The following ABCC9 variants were observed in gnomAD, a reference collection of about 807,000 sequenced individuals.
ABCC9 encodes the protein ATP-binding cassette sub-family C member 9.
Under a neutral mutation model 188.3 loss-of-function variants are expected in ABCC9, and 95 were observed. The ratio of observed to expected loss-of-function variants is 0.50; its 90% CI spans 0.43 to 0.60. The LOEUF is 0.60. Ranked by LOEUF, ABCC9 falls within the 20% of genes least tolerant of loss-of-function variation. The pLI, the probability that ABCC9 is intolerant of heterozygous loss-of-function variation, is 0.00. For missense variants in ABCC9, 1,102 were observed against 1,876.3 expected, an observed-to-expected ratio of 0.59 and a Z score of 7.62; for synonymous variants, 659 against 652.7, an observed-to-expected ratio of 1.01 and a Z score of -0.15.
At chr12:21,842,164 G>C in intron 29 of ABCC9, 150 bp downstream of exon 29, 1 of 894,126 alleles carries the variant, frequency 1.1e-6, no homozygotes. Context: ...TGTAGTACTC[G>C]GCACATGACA....
At position 21,817,226 on chromosome 12, in the gene ABCC9, A is replaced by G; in HGVS notation, c.3853T>C (p.Phe1285Leu). The G allele has an allele frequency of 6.2e-7, 1 of 1,613,874 alleles. No individual in the cohort carries two copies. The highest frequency in any genetic ancestry group is 8.5e-7 in the Non-Finnish European group (1 of 1,179,832). ...QMGAVKKVNS[F>L]LTMESENYEG... ...TAGTTCTCTGACTCCATAGTCAGGA[A>G]ACTGTTCACCTTCTTCACTGCACCC... The change falls in exon 33 of 40, where the codon TTC becomes CTC. Residue 1285 changes from phenylalanine (F) to leucine (L), a missense_variant. Coordinates refer to ENST00000261200, the MANE Select transcript of ABCC9 (RefSeq NM_020297.4).
chr12:21,822,366 A>C (rs1456487753), intron 31 of ABCC9, among the ~76,000 whole-genome samples: 4 of 151,876 alleles, frequency 2.6e-5, no homozygotes, highest in Non-Finnish European at 2.9e-5. Context: ...ACTGATCAGA[A>C]TTTTATCTTG....
At chr12:21,844,167 T>C (rs1166007841) in intron 28 of ABCC9, among the ~76,000 whole-genome samples, 1 of 152,198 alleles carries the variant, frequency 6.6e-6, no homozygotes, top group Non-Finnish European at 1.5e-5. Flanking sequence ...TTAAGAACTT[T>C]ATACTGTGAA....
At chr12:21,830,167 A>C (rs531348961) in intron 30 of ABCC9, among the ~76,000 whole-genome samples, 1 of 152,356 alleles carries the variant, frequency 6.6e-6, no homozygotes, top group Non-Finnish European at 1.5e-5. Flanking sequence ...TAAAACTGTT[A>C]GTAAAAGCCC....
intron 12 of ABCC9, 55 bp downstream of exon 12, chr12:21,906,071 T>C: frequency 1.3e-6 from 2 of 1,538,874 alleles, no homozygotes; most frequent in Non-Finnish European, 1.8e-6. Flanking sequence ...GAATAGACTG[T>C]TGGTTATTCT....
chr12:21,807,477 C>T lies in ABCC9; in HGVS notation c.4318G>A (p.Ala1440Thr), dbSNP rs1181687706. 1.2e-6 allele frequency: 2 copies of T among 1,613,724 alleles called. No homozygotes were observed. Among genetic ancestry groups the T allele is most frequent in the East Asian group, 2.2e-5 (1 of 44,858 alleles). Residue 1440 changes from alanine to threonine, a missense_variant and splice_region_variant, in exon 38 of 40, where the codon GCG becomes ACG. Around this residue, in one of 12 missense-constraint regions of ABCC9, gnomAD observed 67 missense variants for 101.0 expected, o/e 0.66. Transcript: ENST00000261200. The stretch of plus-strand genomic sequence containing the variant: ...TTCTCCCCACCTTCAGTGACAACCG[C>T]ATCTAAATCAGAGAAAGAAGCAAGG... ...MVKSLPGGLD[A>T]VVTEGGENFS... is the part of the protein sequence containing the mutation.
chr12:21,911,827 C>T (rs1228016008), intron 8 of ABCC9, among the ~76,000 whole-genome samples: 2 of 151,906 alleles, frequency 1.3e-5, no homozygotes, highest in South Asian at 2.1e-4. Context: ...TTTAGATATC[C>T]GTATGTAATT....
At position 21,917,510 on chromosome 12, in the gene ABCC9, C is replaced by G. The variant is rs188679282; in HGVS notation, c.407-407G>C. ...TATAACCTACTTCATAGGTGTGTTG[C>G]AAACCCAAGGATATGTCTCATGGTA... On this transcript the variant is annotated intron_variant, in intron 5 of 39. Transcript: ENST00000261200. Among the ~76,000 whole-genome samples the G allele has an allele frequency of 5.3e-5, 8 of 152,158 alleles. No homozygotes were observed. The East Asian group carries it at 1.5e-3, about 29-fold the overall frequency.
At chr12:21,822,538 T>G (rs551757072) in intron 31 of ABCC9, among the ~76,000 whole-genome samples, 2 of 152,158 alleles carry the variant, frequency 1.3e-5, no homozygotes, top group South Asian at 4.2e-4. Context: ...AGTGGCTCAT[T>G]CCTGTAATCC....
intron 14 of ABCC9, among the ~76,000 whole-genome samples, chr12:21,889,514 G>A (rs978510588): frequency 6.6e-6 from 1 of 152,126 alleles, no homozygotes; most frequent in Non-Finnish European, 1.5e-5. Flanking sequence ...AAACAAAGTG[G>A]AGAAGCCAGT....
At chr12:21,864,306 G>A in intron 19 of ABCC9, 133 bp downstream of exon 19, 1 of 687,808 alleles carries the variant, frequency 1.5e-6, no homozygotes, top group Non-Finnish European at 2.5e-6. Context: ...GCGAACCACT[G>A]CTGTTGGAAA....
intron 3 of ABCC9, among the ~76,000 whole-genome samples, chr12:21,936,143 C>A (rs1023375716): frequency 2.6e-5 from 4 of 152,124 alleles, no homozygotes; most frequent in African/African-American, 9.7e-5. Context: ...GTGGCATAGT[C>A]ATTTCTCATG....
chr12:21,923,892 G>GA (rs781393500), intron 5 of ABCC9: 17 of 688,162 alleles, frequency 2.5e-5, no homozygotes, highest in South Asian at 7.8e-5. Context: ...ACAAGGGATT[G>GA]AAAAAACTAT....
At chr12:21,816,052 T>G (rs914365231) in intron 33 of ABCC9, among the ~76,000 whole-genome samples, 159 bp from the exon 34 acceptor site, 3 of 80,054 alleles carry the variant, frequency 3.7e-5, no homozygotes, top group African/African-American at 8.0e-5. Flanking sequence ...TTTTTTTTTT[T>G]TTTTTTTTTT....
chr12:21,807,249 A>C (rs1941920505), intron 38 of ABCC9, 97 bp downstream of exon 38: 1 of 1,518,294 alleles, frequency 6.6e-7, no homozygotes, highest in Non-Finnish European at 9.1e-7. Context: ...AAACAATAGT[A>C]CTGAGGATTC....
At chr12:21,867,277 C>G (rs535962130) in intron 18 of ABCC9, among the ~76,000 whole-genome samples, 1 of 152,280 alleles carries the variant, frequency 6.6e-6, no homozygotes, top group Non-Finnish European at 1.5e-5. Context: ...TATATAATTT[C>G]TCTTCCAAAA....
At chr12:21,848,541 AT>A (rs1944803778) in intron 24 of ABCC9, among the ~76,000 whole-genome samples, 1 of 152,186 alleles carries the variant, frequency 6.6e-6, no homozygotes, top group African/African-American at 2.4e-5. Flanking sequence ...CCTAAAGCAT[AT>A]TTCTACCATT....
At chr12:21,824,132 A>T (rs1194570953) in intron 31 of ABCC9, among the ~76,000 whole-genome samples, 1 of 152,194 alleles carries the variant, frequency 6.6e-6, no homozygotes, top group African/African-American at 2.4e-5. Flanking sequence ...GTATTTTTTT[A>T]AAAACATAAA....
At chr12:21,812,527 G>A (rs550480480) in intron 35 of ABCC9, among the ~76,000 whole-genome samples, 12 of 152,228 alleles carry the variant, frequency 7.9e-5, no homozygotes, top group Admixed American at 7.2e-4. Flanking sequence ...CCATCGAAAA[G>A]GATGAGCTAA....
Sources: allele counts gnomAD v4.1 joint callset (sites outside exome capture counted in the v4.1 genomes callset), GRCh38; gene constraint gnomAD v4.1.1; regional missense constraint gnomAD v4.1.1; transcripts MANE v1.5; gene names NCBI Gene and HGNC (gene_info 2026-07-23, HGNC 2026-07-21).